PCDHA13: variants seen among roughly 807,000 people sequenced by gnomAD.
The protein encoded by PCDHA13 is protocadherin alpha-13.
In PCDHA13, 54 loss-of-function variants were observed where a neutral mutation model predicts 64.8. The ratio of observed to expected loss-of-function variants is 0.83; its 90% CI spans 0.67 to 1.04. PCDHA13 has a LOEUF of 1.04. PCDHA13 is among the 50% of genes least tolerant of loss of function. The pLI is 0.00. For synonymous variants in PCDHA13, 587 were observed against 564.4 expected (o/e 1.04, Z -0.57); for missense variants, 1,248 against 1,254.3 (o/e 0.99, Z 0.08).
At chr5:140,895,235 C>T (rs1554186440) in intron 1 of PCDHA13, among the ~76,000 whole-genome samples, 2 of 152,236 alleles carry the variant, frequency 1.3e-5, no homozygotes, top group East Asian at 1.9e-4. Context: ...GTTTTCTCAT[C>T]TCTCTTTTCA....
chr5:141,000,421 A>ATATTTTT (rs1265241806), intron 3 of PCDHA13, among the ~76,000 whole-genome samples: 1 of 27,968 alleles, frequency 3.6e-5, no homozygotes, highest in Non-Finnish European at 5.7e-5. Context: ...ATATATATAT[A>ATATTTTT]TTTTTTTTTT....
chr5:140,901,213 G>A (rs2068513524), intron 1 of PCDHA13, among the ~76,000 whole-genome samples: 1 of 152,040 alleles, frequency 6.6e-6, no homozygotes, highest in Non-Finnish European at 1.5e-5. Flanking sequence ...TTTTTAAGTT[G>A]ATGTGATCCC....
chr5:140,924,900 A>T (rs622703), intron 1 of PCDHA13, among the ~76,000 whole-genome samples: 5 of 63,248 alleles, frequency 7.9e-5, no homozygotes, highest in Admixed American at 1.7e-4. Flanking sequence ...GTCTCAAAAA[A>T]AAAAATAAAA....
chr5:140,992,390 C>T (rs1007853972), intron 3 of PCDHA13, among the ~76,000 whole-genome samples: 1 of 152,082 alleles, frequency 6.6e-6, no homozygotes, highest in Admixed American at 6.6e-5. Context: ...GTGTTCTGGA[C>T]TTAGAGATAT....
chr5:140,985,039 G>A lies in PCDHA13; in HGVS notation c.2542+2476G>A, dbSNP rs112093918. Among the ~76,000 whole-genome samples the A allele has an allele frequency of 5.2e-3, 789 of 152,178 alleles. 6 individuals carry two copies. Among genetic ancestry groups the A allele is most frequent in the African/African-American group, 0.018 (750 of 41,516 alleles). ...AGCAACCTCTGCCTCCTGGGTTCAA[G>A]TGATTCTCCTGCCTCAGCCTCCTGA... On this transcript the variant is annotated intron_variant, in intron 3 of 3. Transcript: ENST00000289272.
At chr5:140,938,174 G>A (rs1394846002) in intron 1 of PCDHA13, among the ~76,000 whole-genome samples, 3 of 152,200 alleles carry the variant, frequency 2.0e-5, no homozygotes, top group Admixed American at 6.5e-5. Context: ...TGGAGCTCCT[G>A]GGCTCAAGCA....
chr5:140,951,983 A>G (rs1043433314), intron 1 of PCDHA13, among the ~76,000 whole-genome samples: 1 of 152,214 alleles, frequency 6.6e-6, no homozygotes, highest in African/African-American at 2.4e-5. Context: ...CAAAAGGGAA[A>G]AACCAGCCAA....
chr5:140,958,890 A>G (rs1379321415), intron 1 of PCDHA13, among the ~76,000 whole-genome samples: 1 of 152,044 alleles, frequency 6.6e-6, no homozygotes, highest in African/African-American at 2.4e-5. Context: ...CAGTAGCTAT[A>G]TAATAGATAC....
chr5:140,884,247 C>G lies in PCDHA13; in HGVS notation c.1979C>G (p.Thr660Arg), dbSNP rs1554181368. Reference sequence around the variant, plus strand: ...AAGGACCACGGTGAGCCCGCGCTGACGGCCACGGCAACGGTGCTGTTGTCG... The same window carrying G: ...AAGGACCACGGTGAGCCCGCGCTGAGGGCCACGGCAACGGTGCTGTTGTCG... ...LVKDHGEPALTATATVLLSLV... is the reference protein window; with the variant it reads ...LVKDHGEPALRATATVLLSLV... Residue 660 changes from threonine to arginine, a missense_variant, in exon 1 of 4, where the codon ACG (threonine) becomes AGG (arginine). By Grantham distance (71) the Thr-to-Arg change is moderately conservative. Coordinates refer to ENST00000289272, the MANE Select transcript of PCDHA13 (RefSeq NM_018904.3). The G allele has an allele frequency of 3.1e-6, 5 of 1,613,398 alleles. No individual in the cohort carries two copies. Among genetic ancestry groups the G allele is most frequent in the Non-Finnish European group, 4.2e-6 (5 of 1,179,698 alleles).
Position 140,920,254 on chromosome 5 carries a change from A to G in PCDHA13, c.2394+35592A>G, listed in dbSNP as rs117923328. Reference sequence around the variant, plus strand: ...TATATACCCAACAATACATCGCTATAATAATTATTACTTTATGTAATCTTA... The same window carrying G: ...TATATACCCAACAATACATCGCTATGATAATTATTACTTTATGTAATCTTA... On this transcript the variant is annotated intron_variant, in intron 1 of 3. Transcript: ENST00000289272. Among the ~76,000 whole-genome samples the G allele has an allele frequency of 8.5e-5, 13 of 152,332 alleles. No individual in the cohort carries two copies. In the East Asian group the frequency reaches 2.5e-3, roughly 29 times the overall value.
intron 1 of PCDHA13, among the ~76,000 whole-genome samples, chr5:140,970,553 C>T (rs1349644785): frequency 5.9e-5 from 9 of 152,122 alleles, no homozygotes; most frequent in South Asian, 2.1e-4. Flanking sequence ...GTTGTGTGTT[C>T]GTCTCCATAT....
At chr5:140,925,236 T>C (rs1398147161) in intron 1 of PCDHA13, among the ~76,000 whole-genome samples, 1 of 152,202 alleles carries the variant, frequency 6.6e-6, no homozygotes, top group African/African-American at 2.4e-5. Context: ...TACCAGAAAA[T>C]ATGTCCTGGA....
In PCDHA13 at chr5:140,883,376, G is replaced by T. The variant is rs1276182742; in HGVS notation, c.1108G>T (p.Ala370Ser). The change falls in exon 1 of 4, where the codon GCC becomes TCC. Residue 370 changes from alanine (A) to serine (S), a missense_variant. By Grantham distance (99) the Ala-to-Ser change is moderately conservative. Transcript: ENST00000289272. ...REDTQPSAIIALISVSDRDSG... is the reference protein window; with the variant it reads ...REDTQPSAIISLISVSDRDSG... The stretch of plus-strand genomic sequence containing the variant: ...AGACACTCAGCCTAGCGCCATTATT[G>T]CCCTAATCAGTGTGTCCGATCGTGA... 25 of 1,613,998 alleles carry T rather than the reference G, an allele frequency of 1.5e-5. No homozygotes were observed. The highest frequency in any genetic ancestry group is 2.0e-5 in the Non-Finnish European group (24 of 1,180,022).
intron 1 of PCDHA13, among the ~76,000 whole-genome samples, chr5:140,945,356 G>A (rs1294877669): frequency 1.1e-4 from 16 of 151,976 alleles, no homozygotes; most frequent in Non-Finnish European, 1.9e-4. Flanking sequence ...AATTAATACT[G>A]TTTAAAATGT....
chr5:140,896,782 T>C (rs2065751809), intron 1 of PCDHA13, among the ~76,000 whole-genome samples: 1 of 152,206 alleles, frequency 6.6e-6, no homozygotes, highest in African/African-American at 2.4e-5. Context: ...AGTTTGCTGA[T>C]ATTTTCTCCC....
At chr5:140,934,771 A>G (rs1319115042) in intron 1 of PCDHA13, among the ~76,000 whole-genome samples, 2 of 152,184 alleles carry the variant, frequency 1.3e-5, no homozygotes, top group Non-Finnish European at 2.9e-5. Context: ...CATATTTGAT[A>G]TGGCCCAATC....
intron 3 of PCDHA13, among the ~76,000 whole-genome samples, chr5:141,007,733 C>A (rs2098343034): frequency 6.6e-6 from 1 of 152,180 alleles, no homozygotes; most frequent in African/African-American, 2.4e-5. Flanking sequence ...CAAAGGTTAA[C>A]CACTGAAGAT....
intron 3 of PCDHA13, among the ~76,000 whole-genome samples, chr5:141,000,006 C>T (rs1453937377): frequency 1.3e-5 from 2 of 151,992 alleles, no homozygotes; most frequent in Admixed American, 1.3e-4. Context: ...TTAGATTGGC[C>T]TCCCCATTGC....
At chr5:140,979,159 T>C in intron 2 of PCDHA13, 152 bp downstream of exon 2, 4 of 1,426,630 alleles carry the variant, frequency 2.8e-6, no homozygotes, top group Non-Finnish European at 3.7e-6. Flanking sequence ...CCATGTTTAT[T>C]CCTTGAAAGA....
Sources: allele counts gnomAD v4.1 joint callset (sites outside exome capture counted in the v4.1 genomes callset), GRCh38; gene constraint gnomAD v4.1.1; transcripts MANE v1.5; gene names NCBI Gene and HGNC (gene_info 2026-07-23, HGNC 2026-07-21).